IPO8: variants seen among roughly 807,000 people sequenced by gnomAD.
The protein encoded by IPO8 is importin-8.
Under a neutral mutation model 141.2 loss-of-function variants are expected in IPO8, and 65 were observed. The ratio of observed to expected loss-of-function variants is 0.46; its 90% CI spans 0.38 to 0.57. The LOEUF is 0.57. IPO8 is among the 20% of genes least tolerant of loss of function. The pLI is 0.00. For missense variants in IPO8, 980 were observed against 1,246.8 expected (o/e 0.79, Z 3.22); for synonymous variants, 411 against 420.3 (o/e 0.98, Z 0.27).
intron 16 of IPO8, among the ~76,000 whole-genome samples, chr12:30,659,679 G>A (rs1055990543): frequency 3.3e-5 from 5 of 150,210 alleles, no homozygotes; most frequent in South Asian, 4.2e-4. Flanking sequence ...GTGAAACCCC[G>A]TCTCTAATAA....
intron 2 of IPO8, among the ~76,000 whole-genome samples, chr12:30,685,500 T>G (rs921338701): frequency 6.1e-5 from 9 of 148,558 alleles, no homozygotes; most frequent in South Asian, 2.2e-4. Flanking sequence ...ACTTATAATG[T>G]TGTGTGTGTG....
chr12:30,630,738 G>A lies in IPO8; in HGVS notation c.*122C>T. The A allele has an allele frequency of 1.4e-6, 1 of 717,022 alleles. No homozygotes were observed. Among genetic ancestry groups the A allele is most frequent in the Non-Finnish European group, 2.4e-6 (1 of 415,712 alleles). 44.4% of individuals were successfully genotyped at this position (717,022 alleles called of 1,614,324 possible). On this transcript the variant is annotated 3_prime_UTR_variant, in exon 25 of 25. Coordinates refer to ENST00000256079, the MANE Select transcript of IPO8 (RefSeq NM_006390.4). ...TAGATAAAAGTGCTGCCTAATGCCA[G>A]ATGGTAACTGGCACAGCAGGAGGGC...
chr12:30,670,571 C>T (rs1429876526), intron 9 of IPO8, among the ~76,000 whole-genome samples: 1 of 152,186 alleles, frequency 6.6e-6, no homozygotes, highest in Non-Finnish European at 1.5e-5. Context: ...TATCAGTCTT[C>T]AATTCCTGCA....
chr12:30,635,312 A>T (rs970157207), intron 22 of IPO8, among the ~76,000 whole-genome samples: 3 of 152,110 alleles, frequency 2.0e-5, no homozygotes, highest in African/African-American at 7.2e-5. Context: ...GCAAGATTGT[A>T]AATTTCAAAT....
intron 10 of IPO8, among the ~76,000 whole-genome samples, chr12:30,667,532 G>GC (rs2052983918): frequency 1.3e-5 from 2 of 152,122 alleles, no homozygotes; most frequent in African/African-American, 4.8e-5. Flanking sequence ...GTAAATAATT[G>GC]CAAGTGCCAA....
chr12:30,662,368 G>C lies in IPO8; in HGVS notation c.1714C>G (p.Gln572Glu), dbSNP rs763188716. ...TCAACAGCAATTGAGGCTACCTCTT[G>C]ACTGTATTCACATATCATCTTCTGG... The part of the protein sequence containing the change: ...VIQKMICEYS[Q>E]EVASIAVDMT... Residue 572 changes from glutamine to glutamate, a missense_variant, in exon 15 of 25, where the codon CAA (glutamine) becomes GAA (glutamate). By Grantham distance (29) the Gln-to-Glu change is conservative. Around this residue, in one of 3 missense-constraint regions of IPO8, gnomAD observed 924 missense variants for 1,153.9 expected, o/e 0.80. Transcript: ENST00000256079. 4 of 1,613,792 alleles carry C rather than the reference G, an allele frequency of 2.5e-6. No individual in the cohort carries two copies. The highest frequency in any genetic ancestry group is 1.3e-5 in the African/African-American group (1 of 75,040).
intron 16 of IPO8, among the ~76,000 whole-genome samples, chr12:30,657,360 CA>C (rs1469181394): frequency 6.6e-6 from 1 of 152,034 alleles, no homozygotes; most frequent in African/African-American, 2.4e-5. Flanking sequence ...CCAAGTGCAA[CA>C]TTAACAATTT....
chr12:30,662,542 A>G (rs1414761047), intron 14 of IPO8, 55 bp from the exon 15 acceptor site: 1 of 1,405,728 alleles, frequency 7.1e-7, no homozygotes, highest in Admixed American at 1.8e-5. Context: ...AGATGATAAA[A>G]GGAATTAACT....
chr12:30,667,056 T>C (rs764524304), intron 10 of IPO8, among the ~76,000 whole-genome samples: 8 of 152,234 alleles, frequency 5.3e-5, no homozygotes, highest in Non-Finnish European at 1.2e-4. Flanking sequence ...AGGTATCTGA[T>C]AAGTCCTTGT....
At chr12:30,662,274 T>TCTAAA in intron 15 of IPO8, 53 bp downstream of exon 15, 2 of 1,451,932 alleles carry the variant, frequency 1.4e-6, no homozygotes, top group Non-Finnish European at 1.9e-6. Context: ...TGGAGTTTAT[T>TCTAAA]TAGATTACTC....
At chr12:30,649,275 T>A (rs756435078) in intron 19 of IPO8, 43 bp from the exon 20 acceptor site, 1 of 1,375,422 alleles carries the variant, frequency 7.3e-7, no homozygotes, top group Non-Finnish European at 1.0e-6. Flanking sequence ...TGGCACTGCA[T>A]AGAGGTTAAT....
chr12:30,658,950 G>A (rs1036968772), intron 16 of IPO8, among the ~76,000 whole-genome samples: 8 of 140,186 alleles, frequency 5.7e-5, no homozygotes, highest in Admixed American at 1.6e-4. Flanking sequence ...GCATGATCTC[G>A]GCTCATTGCG....
intron 4 of IPO8, 90 bp from the exon 5 acceptor site, chr12:30,680,728 AAACT>A (rs1734815598): frequency 9.9e-7 from 1 of 1,009,230 alleles, no homozygotes; most frequent in South Asian, 1.7e-5. Context: ...TAAATACATA[AAACT>A]AACAAAACAA....
intron 20 of IPO8, among the ~76,000 whole-genome samples, chr12:30,643,848 G>C (rs573094824): frequency 6.6e-6 from 1 of 152,260 alleles, no homozygotes; most frequent in Non-Finnish European, 1.5e-5. Context: ...TCTTTGGCAT[G>C]GATTTATTCT....
At position 30,666,174 on chromosome 12, in the gene IPO8, C is replaced by A. The variant is rs1424025705; in HGVS notation, c.1221+1G>T. ...TGGATTTAAAAAGAAAAATGAAATA[C>A]CTCTTTTCTTTTCTTTGCAGCAGTA... On this transcript the variant is annotated splice_donor_variant, in intron 11 of 24. Coordinates refer to ENST00000256079, the MANE Select transcript of IPO8 (RefSeq NM_006390.4). LOFTEE classifies it high-confidence loss of function. 1 of 1,558,670 alleles carries A rather than the reference C, an allele frequency of 6.4e-7. No individual in the cohort carries two copies.
chr12:30,637,532 G>A (rs1446929420), intron 21 of IPO8, among the ~76,000 whole-genome samples: 3 of 152,074 alleles, frequency 2.0e-5, no homozygotes, highest in Non-Finnish European at 2.9e-5. Context: ...ACAATGGTTG[G>A]GGGGAATGAA....
intron 20 of IPO8, among the ~76,000 whole-genome samples, 170 bp downstream of exon 20, chr12:30,648,967 C>T (rs548970139): frequency 1.3e-4 from 20 of 152,178 alleles, no homozygotes; most frequent in Non-Finnish European, 2.1e-4. Flanking sequence ...ATGCAAGGTA[C>T]GGTTTCCAAA....
intron 9 of IPO8, among the ~76,000 whole-genome samples, 199 bp from the exon 10 acceptor site, chr12:30,669,481 T>C (rs2136157315): frequency 6.6e-6 from 1 of 152,238 alleles, no homozygotes; most frequent in East Asian, 1.9e-4. Context: ...ATTTTAGTCC[T>C]AAATGTCCAT....
chr12:30,645,431 G>A (rs1414221322), intron 20 of IPO8, among the ~76,000 whole-genome samples: 2 of 150,128 alleles, frequency 1.3e-5, no homozygotes, highest in African/African-American at 4.9e-5. Context: ...CTTAAGAAGT[G>A]TAAGCAAACA....
Sources: gnomAD v4.1 joint callset for allele counts (sites outside exome capture counted in the v4.1 genomes callset) on GRCh38, gnomAD v4.1.1 for gene constraint, gnomAD v4.1.1 regional missense constraint, MANE v1.5 for transcripts, NCBI Gene and HGNC (gene_info 2026-07-23, HGNC 2026-07-21) for gene names.